The following NAALADL2 variants were observed in gnomAD, a reference collection of about 807,000 sequenced individuals.
NAALADL2 encodes the protein inactive N-acetylated-alpha-linked acidic dipeptidase-like protein 2.
NAALADL2 carries 76 observed loss-of-function variants against 87.2 expected under a neutral mutation model. The observed-to-expected ratio is 0.87, with a 90% CI of 0.72 to 1.05. The LOEUF is 1.05. Ranked by LOEUF, NAALADL2 falls within the 50% of genes least tolerant of loss-of-function variation. The pLI is 0.00. For synonymous variants in NAALADL2, 354 were observed against 331.0 expected, an observed-to-expected ratio of 1.07 and a Z score of -0.75; for missense variants, 1,089 against 945.8, an observed-to-expected ratio of 1.15 and a Z score of -1.99.
chr3:175,432,331 CAG>C (rs1717897744), intron 5 of NAALADL2, among the ~76,000 whole-genome samples: 2 of 151,936 alleles, frequency 1.3e-5, no homozygotes, highest in African/African-American at 4.8e-5. Context: ...CATTGTGAAA[CAG>C]AATTTTTCCA....
chr3:175,179,510 A>G (rs942247401), intron 2 of NAALADL2, among the ~76,000 whole-genome samples: 2 of 151,950 alleles, frequency 1.3e-5, no homozygotes, highest in African/African-American at 2.4e-5. Flanking sequence ...ATGGAATTTT[A>G]CTGGTGTTTC....
At chr3:174,836,047 A>T (rs886503303) in intron 3 of NAALADL2, among the ~76,000 whole-genome samples, 4 of 152,210 alleles carry the variant, frequency 2.6e-5, no homozygotes, top group Non-Finnish European at 5.9e-5. Context: ...TTGTACACTC[A>T]TGTTCATAGG....
At chr3:175,101,589 G>A (rs1722191086) in intron 2 of NAALADL2, among the ~76,000 whole-genome samples, 1 of 152,116 alleles carries the variant, frequency 6.6e-6, no homozygotes, top group Non-Finnish European at 1.5e-5. Flanking sequence ...GAAAGTAATG[G>A]CAAAAGCCGC....
chr3:174,696,059 C>T (rs899700320), intron 2 of NAALADL2, among the ~76,000 whole-genome samples: 2 of 152,008 alleles, frequency 1.3e-5, no homozygotes, highest in African/African-American at 4.8e-5. Context: ...ACTGGTTTAA[C>T]CCAATCCCGA....
At chr3:175,204,228 A>C (rs1257911054) in intron 2 of NAALADL2, among the ~76,000 whole-genome samples, 2 of 152,216 alleles carry the variant, frequency 1.3e-5, no homozygotes, top group African/African-American at 4.8e-5. Context: ...CCAACAACAT[A>C]TGAAAAAGAT....
intron 2 of NAALADL2, among the ~76,000 whole-genome samples, chr3:174,650,469 A>G (rs1724242501): frequency 6.6e-6 from 1 of 152,096 alleles, no homozygotes; most frequent in Non-Finnish European, 1.5e-5. Context: ...TTATTTGACC[A>G]TTGGCCCCTT....
intron 2 of NAALADL2, among the ~76,000 whole-genome samples, chr3:175,196,479 G>C (rs1023529048): frequency 3.3e-5 from 5 of 151,880 alleles, no homozygotes; most frequent in African/African-American, 1.2e-4. Flanking sequence ...TGCTTCTCCT[G>C]TTGTGTTGGT....
intron 1 of NAALADL2, among the ~76,000 whole-genome samples, chr3:174,473,698 G>A (rs1254145030): frequency 6.6e-6 from 1 of 152,056 alleles, no homozygotes; most frequent in African/African-American, 2.4e-5. Flanking sequence ...GAGAGAGATG[G>A]TGACAATATT....
intron 1 of NAALADL2, among the ~76,000 whole-genome samples, chr3:174,875,318 G>A (rs1283753152): frequency 6.6e-6 from 1 of 151,936 alleles, no homozygotes; most frequent in Non-Finnish European, 1.5e-5. Flanking sequence ...TAAAAAAGCA[G>A]GAGTGAAAAG....
At chr3:174,797,305 C>CTTTTTCTTTTTT (rs1718237636) in intron 3 of NAALADL2, among the ~76,000 whole-genome samples, 7 of 72,722 alleles carry the variant, frequency 9.6e-5, no homozygotes, top group Non-Finnish European at 1.4e-4. Flanking sequence ...TTTCTTTTTT[C>CTTTTTCTTTTTT]TTTTTTTTTT....
At chr3:175,641,799 A>G (rs1486297271) in intron 11 of NAALADL2, among the ~76,000 whole-genome samples, 2 of 152,238 alleles carry the variant, frequency 1.3e-5, no homozygotes, top group Non-Finnish European at 2.9e-5. Context: ...AAATTAAGTA[A>G]GAAAGGAAGA....
intron 5 of NAALADL2, among the ~76,000 whole-genome samples, chr3:175,338,961 A>G (rs1762310467): frequency 6.6e-6 from 1 of 152,188 alleles, no homozygotes; most frequent in Non-Finnish European, 1.5e-5. Context: ...TTGGTGTTGT[A>G]CAGAGTTGAA....
intron 1 of NAALADL2, among the ~76,000 whole-genome samples, chr3:174,906,941 A>G (rs1461815474): frequency 6.6e-6 from 1 of 152,086 alleles, no homozygotes; most frequent in African/African-American, 2.4e-5. Context: ...AATTTTATTT[A>G]TCACAGGTGA....
At chr3:175,281,723 C>T (rs902879021) in intron 4 of NAALADL2, among the ~76,000 whole-genome samples, 3 of 151,868 alleles carry the variant, frequency 2.0e-5, no homozygotes, top group African/African-American at 4.8e-5. Flanking sequence ...TTCATTTATA[C>T]TTGTGAATAT....
chr3:174,811,750 A>G (rs1453685372), intron 3 of NAALADL2, among the ~76,000 whole-genome samples: 1 of 152,078 alleles, frequency 6.6e-6, no homozygotes, highest in Non-Finnish European at 1.5e-5. Flanking sequence ...GAGATTTAGG[A>G]GGGGCCAGGT....
At chr3:175,458,756 C>G (rs1722692571) in intron 6 of NAALADL2, among the ~76,000 whole-genome samples, 1 of 151,898 alleles carries the variant, frequency 6.6e-6, no homozygotes, top group Non-Finnish European at 1.5e-5. Context: ...TGCCATTACT[C>G]CCTTCACAAT....
intron 4 of NAALADL2, among the ~76,000 whole-genome samples, chr3:175,308,351 C>T (rs934023810): frequency 6.6e-6 from 1 of 152,140 alleles, no homozygotes; most frequent in Non-Finnish European, 1.5e-5. Flanking sequence ...CATTTCTTTG[C>T]ACTCAGACGT....
chr3:175,773,935 C>T (rs560413925), intron 13 of NAALADL2, among the ~76,000 whole-genome samples: 46 of 152,182 alleles, frequency 3.0e-4, no homozygotes, highest in African/African-American at 1.1e-3. Flanking sequence ...TTATTGTGTC[C>T]ACACAGTCTC....
upstream of NAALADL2, among the ~76,000 whole-genome samples, chr3:174,854,421 G>T (rs1205959118): frequency 6.6e-6 from 1 of 152,102 alleles, no homozygotes; most frequent in Admixed American, 6.6e-5. Flanking sequence ...GATGGTTAAT[G>T]GGTACAAAAC....
Sources: allele counts gnomAD v4.1 joint callset (sites outside exome capture counted in the v4.1 genomes callset), GRCh38; gene constraint gnomAD v4.1.1; transcripts MANE v1.5; gene names NCBI Gene and HGNC (gene_info 2026-07-23, HGNC 2026-07-21).